SEPTIN9: variants seen among roughly 807,000 people sequenced by gnomAD.
SEPTIN9 encodes septin-9.
Under a neutral mutation model 56.6 loss-of-function variants are expected in SEPTIN9, and 13 were observed. That is an observed-to-expected ratio of 0.23 (90% CI 0.15 to 0.37). The LOEUF (loss-of-function observed/expected upper bound fraction) is 0.37, where lower values mean the gene tolerates loss of function less well. Among genes scored for constraint, SEPTIN9 ranks in the 10% least tolerant of loss-of-function variants. The probability of loss-of-function intolerance (pLI) is 1.00; values close to 1 mark genes in which losing one functional copy is unlikely to be tolerated. For synonymous variants in SEPTIN9, 332 were observed against 334.1 expected (o/e 0.99, Z 0.07); for missense variants, 650 against 823.1 (o/e 0.79, Z 2.57).
At chr17:77,401,933 G>A (rs553656342) in intron 2 of SEPTIN9, 126 bp from the exon 3 acceptor site, 7 of 905,828 alleles carry the variant, frequency 7.7e-6, no homozygotes, top group East Asian at 5.3e-5. Flanking sequence ...CATGAAGGAC[G>A]GGAAGAGACC....
intron 3 of SEPTIN9, among the ~76,000 whole-genome samples, chr17:77,455,660 G>A (rs1009048923): frequency 2.6e-5 from 4 of 152,248 alleles, no homozygotes; most frequent in Non-Finnish European, 5.9e-5. Context: ...CCCAGCGGGC[G>A]GGGTTGATGG....
rs2032762106 is a variant in SEPTIN9, at chr17:77,317,770, A to G, written c.76+10573A>G. The stretch of plus-strand genomic sequence containing the variant: ...CTCTGTCTCAAAAAATAAAAAATAA[A>G]GGCCAGGCACAGTGGCTTATGCCTG... On this transcript the variant is annotated intron_variant, in intron 2 of 11. Transcript: ENST00000427177. This position sits in a 1 kb window ranked among gnomAD's most constrained non-coding sequence, Gnocchi z 4.2. Among the ~76,000 whole-genome samples, 1 of 152,172 alleles carries G rather than the reference A, an allele frequency of 6.6e-6. No individual in the cohort carries two copies. Among genetic ancestry groups the G allele is most frequent in the African/African-American group, 2.4e-5 (1 of 41,444 alleles).
intron 11 of SEPTIN9, among the ~76,000 whole-genome samples, chr17:77,498,258 A>G (rs1339729963): frequency 6.6e-6 from 1 of 152,040 alleles, no homozygotes; most frequent in Non-Finnish European, 1.5e-5. Flanking sequence ...GGGTGGACCC[A>G]GAGGGAGACA....
chr17:77,474,767 C>T lies in SEPTIN9; in HGVS notation c.722-7377C>T, dbSNP rs192140012. ...GCGACCCTCATAATTGACAAAAGCC[C>T]TCTCGGTCTCGGTTTCCTTATCTGT... On this transcript the variant is annotated intron_variant, in intron 3 of 11. Coordinates refer to ENST00000427177, the MANE Select transcript of SEPTIN9 (RefSeq NM_001113491.2). Among the ~76,000 whole-genome samples, 69 of 152,322 alleles carry T rather than the reference C, an allele frequency of 4.5e-4. 1 individual carries two copies. Among genetic ancestry groups the T allele is most frequent in the Admixed American group, 3.1e-3 (47 of 15,304 alleles).
intron 2 of SEPTIN9, among the ~76,000 whole-genome samples, chr17:77,364,239 C>T (rs989916692): frequency 1.3e-5 from 2 of 152,200 alleles, no homozygotes; most frequent in East Asian, 1.9e-4. Flanking sequence ...GTTCCCAAGG[C>T]GGCAGGCCAA....
Position 77,492,692 on chromosome 17 carries a change from C to T in SEPTIN9, c.1452C>T (p.Asp484=), listed in dbSNP as rs201739796. ...PQKEFDEDSE[D]RLVNEKFREM... ...AGGAATTTGATGAGGACTCGGAGGA[C>T]CGGCTGGTGAACGAGAAGTTCCGGG... is the stretch of plus-strand genomic sequence containing the variant. Residue 484 remains aspartate, a synonymous_variant, in exon 9 of 12, where the codon GAC becomes GAT. Coordinates refer to ENST00000427177, the MANE Select transcript of SEPTIN9 (RefSeq NM_001113491.2). This position sits in a 1 kb window ranked among gnomAD's most constrained non-coding sequence, Gnocchi z 5.4. 1 of 1,613,954 alleles carries T rather than the reference C, an allele frequency of 6.2e-7. No homozygotes were observed. Among genetic ancestry groups the T allele is most frequent in the African/African-American group, 1.3e-5 (1 of 74,918 alleles).
intron 2 of SEPTIN9, among the ~76,000 whole-genome samples, chr17:77,378,379 C>T (rs2035009774): frequency 6.6e-6 from 1 of 152,186 alleles, no homozygotes; most frequent in Non-Finnish European, 1.5e-5. Context: ...GTTTCCCTGC[C>T]TGCAAAGTGG....
At chr17:77,496,429 G>A (rs557137705) in intron 10 of SEPTIN9, 1 of 152,190 alleles carries the variant, frequency 6.6e-6, no homozygotes, top group Non-Finnish European at 1.5e-5. Context: ...GGCACCGGGT[G>A]TCTTTATTTG....
chr17:77,406,914 C>T (rs2036102323), intron 3 of SEPTIN9, among the ~76,000 whole-genome samples: 3 of 152,012 alleles, frequency 2.0e-5, no homozygotes, highest in African/African-American at 7.3e-5. Flanking sequence ...CGTGACCCAC[C>T]CACCTCAGCT....
chr17:77,426,703 G>A (rs2036926861), intron 3 of SEPTIN9, among the ~76,000 whole-genome samples: 1 of 152,186 alleles, frequency 6.6e-6, no homozygotes, highest in African/African-American at 2.4e-5. Context: ...GTCACCCGCA[G>A]TTAAAACAGC....
At chr17:77,322,213 G>C (rs1598190983) in intron 2 of SEPTIN9, among the ~76,000 whole-genome samples, 1 of 152,174 alleles carries the variant, frequency 6.6e-6, no homozygotes, top group African/African-American at 2.4e-5. Context: ...TGGGGAGCTG[G>C]AAGTGATGGC....
chr17:77,490,910 C>T (rs1436335470), intron 8 of SEPTIN9, 51 bp downstream of exon 8: 17 of 1,415,128 alleles, frequency 1.2e-5, no homozygotes, highest in Non-Finnish European at 1.6e-5. Flanking sequence ...CCTGGAGACG[C>T]TGCAGGCCTG....
intron 2 of SEPTIN9, among the ~76,000 whole-genome samples, chr17:77,350,940 G>GTGTGTGTGCC (rs201969903): frequency 2.6e-5 from 4 of 151,712 alleles, no homozygotes; most frequent in Admixed American, 6.6e-5. Flanking sequence ...CTGCAGGGGG[G>GTGTGTGTGCC]TGTGTGTGCC....
At position 77,450,857 on chromosome 17, in the gene SEPTIN9, C is replaced by G. The variant is rs1002463599; in HGVS notation, c.722-31287C>G. 1.0e-6 allele frequency: 1 copy of G among 966,466 alleles called. No homozygotes were observed. The highest frequency in any genetic ancestry group is 6.2e-5 in the Admixed American group (1 of 16,260). The allele number at this position is 966,466 out of a possible 1,614,324, so 59.9% of individuals were successfully genotyped here. ...CCCTTCCATGGTCCCAGCCAGCAAG[C>G]ACCTGGGGTAGAGGGGACAAACCCA... On this transcript the variant is annotated intron_variant, in intron 3 of 11. Coordinates refer to ENST00000427177, the MANE Select transcript of SEPTIN9 (RefSeq NM_001113491.2). This position sits in a 1 kb window ranked among gnomAD's most constrained non-coding sequence, Gnocchi z 6.0.
intron 3 of SEPTIN9, among the ~76,000 whole-genome samples, chr17:77,479,777 G>T (rs185726993): frequency 0.011 from 1,645 of 152,072 alleles, 93 homozygotes; most frequent in Admixed American, 0.1. Flanking sequence ...AGGGATGCTG[G>T]GGGGAGGTGG....
chr17:77,497,202 C>T, intron 10 of SEPTIN9, 113 bp from the exon 11 acceptor site: 1 of 1,067,548 alleles, frequency 9.4e-7, no homozygotes, highest in Non-Finnish European at 1.4e-6. Context: ...GCCCATGGGG[C>T]TGCCCTCAGA....
At chr17:77,481,964 C>T (rs138792477) in intron 3 of SEPTIN9, 180 bp from the exon 4 acceptor site, 556 of 620,300 alleles carry the variant, frequency 9.0e-4, no homozygotes, top group Non-Finnish European at 1.3e-3. Context: ...TTTTAGAGGA[C>T]ACCACGGCCA....
chr17:77,289,263 A>AT (rs11430452), intron 1 of SEPTIN9, among the ~76,000 whole-genome samples: 123,403 of 151,360 alleles, frequency 0.82, 50,793 homozygotes, highest in East Asian at 0.98. Flanking sequence ...TGCCTGGCTA[A>AT]TTTTTGTATT....
chr17:77,364,020 CTG>C (rs2034497338), intron 2 of SEPTIN9, among the ~76,000 whole-genome samples: 1 of 152,122 alleles, frequency 6.6e-6, no homozygotes, highest in African/African-American at 2.4e-5. Context: ...GCGAGGGGGA[CTG>C]TGTTAATAAC....
Sources: allele counts gnomAD v4.1 joint callset (sites outside exome capture counted in the v4.1 genomes callset), GRCh38; gene constraint gnomAD v4.1.1; non-coding constraint Gnocchi (gnomAD v3.1); transcripts MANE v1.5; gene names NCBI Gene and HGNC (gene_info 2026-07-23, HGNC 2026-07-21).